Variants in VPS37A observed in about 807,000 individuals in gnomAD.
The protein encoded by VPS37A is VPS37A subunit of ESCRT-I.
In VPS37A, 30 loss-of-function variants were observed where a neutral mutation model predicts 49.8. The observed-to-expected ratio is 0.60, with a 90% CI of 0.45 to 0.82. The LOEUF is 0.82. VPS37A is among the 40% of genes least tolerant of loss of function. The pLI is 0.00. For missense variants in VPS37A, 593 were observed against 464.4 expected (o/e 1.28, Z -2.55); for synonymous variants, 195 against 160.6 (o/e 1.21, Z -1.62).
At chr8:17,315,733 T>C in the VPS37A span, among the ~76,000 whole-genome samples, 10 of 151,548 alleles carry the variant, frequency 6.6e-5, no homozygotes, top group African/African-American at 2.4e-4. Context: ...GAAAAAAGGC[T>C]GGGCACAGTG....
intron 4 of VPS37A, among the ~76,000 whole-genome samples, chr8:17,270,825 T>C (rs1161626705): frequency 6.6e-6 from 1 of 152,200 alleles, no homozygotes; most frequent in African/African-American, 2.4e-5. Flanking sequence ...CATCATATTG[T>C]AGAATCAGGC....
At position 17,258,855 on chromosome 8, in the gene VPS37A, G is replaced by A. The variant is rs147514722; in HGVS notation, c.126-7052G>A. Among the ~76,000 whole-genome samples, 15 of 151,964 alleles carry A rather than the reference G, an allele frequency of 9.9e-5. No individual in the cohort carries two copies. The East Asian group carries it at 1.9e-3, about 20-fold the overall frequency. Reference sequence around the variant, plus strand: ...TAATCTTAGTAGGTTGTATATGTCCGGCAATTTGTTCCTTTCTTTTAGGCT... The same window carrying A: ...TAATCTTAGTAGGTTGTATATGTCCAGCAATTTGTTCCTTTCTTTTAGGCT... On this transcript the variant is annotated intron_variant, in intron 1 of 11. Coordinates refer to ENST00000324849, the MANE Select transcript of VPS37A (RefSeq NM_152415.3).
At chr8:17,283,261 T>G (rs1403946775) in intron 9 of VPS37A, among the ~76,000 whole-genome samples, 3 of 152,062 alleles carry the variant, frequency 2.0e-5, no homozygotes, top group East Asian at 1.9e-4. Context: ...GCTCAAGCGA[T>G]CCTCCCAATT....
At chr8:17,266,801 C>T (rs565810413) in intron 2 of VPS37A, among the ~76,000 whole-genome samples, 42 of 152,210 alleles carry the variant, frequency 2.8e-4, no homozygotes, top group African/African-American at 9.4e-4. Flanking sequence ...TGAGACGGAG[C>T]CTCCCTCTGT....
In VPS37A at chr8:17,271,339, C is replaced by G. The variant is rs987512552; in HGVS notation, c.416+2383C>G. On this transcript the variant is annotated intron_variant, in intron 4 of 11. Transcript: ENST00000324849. The stretch of plus-strand genomic sequence containing the variant: ...GCTTATGATTGGCTGGGCGCGGTGG[C>G]TCACGCCTGTAATCCCAGCACTTTG... Among the ~76,000 whole-genome samples, 5 of 152,142 alleles carry G rather than the reference C, an allele frequency of 3.3e-5. No individual in the cohort carries two copies. In the South Asian group the frequency reaches 8.3e-4, roughly 25 times the overall value.
chr8:17,255,020 G>A, intron 1 of VPS37A, among the ~76,000 whole-genome samples: 1 of 151,586 alleles, frequency 6.6e-6, no homozygotes, highest in East Asian at 1.9e-4. Flanking sequence ...GATCTTTTTA[G>A]TAACTTGAGT....
At chr8:17,329,408 C>G in the VPS37A span, among the ~76,000 whole-genome samples, 1 of 152,206 alleles carries the variant, frequency 6.6e-6, no homozygotes, top group African/African-American at 2.4e-5. Flanking sequence ...ACCATGTTCC[C>G]TTATGAAACA....
chr8:17,286,668 C>G (rs1299253480), intron 11 of VPS37A: 1 of 411,512 alleles, frequency 2.4e-6, no homozygotes, highest in East Asian at 4.2e-5. Context: ...ACATTAGCTG[C>G]TAATGTAGAA....
chr8:17,317,601 G>A, the VPS37A span, among the ~76,000 whole-genome samples: 4 of 152,126 alleles, frequency 2.6e-5, no homozygotes, highest in African/African-American at 7.2e-5. Context: ...CTTCTCTTGT[G>A]GAAGTGTGGA....
chr8:17,331,053 C>A, the VPS37A span: 1 of 1,403,134 alleles, frequency 7.1e-7, no homozygotes, highest in Admixed American at 2.3e-5. Flanking sequence ...ATTATCACAC[C>A]TATGTAAAAA....
intron 4 of VPS37A, among the ~76,000 whole-genome samples, chr8:17,273,457 C>A (rs888572794): frequency 6.6e-6 from 1 of 152,190 alleles, no homozygotes; most frequent in Non-Finnish European, 1.5e-5. Context: ...AGCTCGGCCT[C>A]CCGGGTTCAT....
At chr8:17,316,921 C>T in the VPS37A span, among the ~76,000 whole-genome samples, 1 of 152,116 alleles carries the variant, frequency 6.6e-6, no homozygotes, top group Non-Finnish European at 1.5e-5. Context: ...ACTCTACTGC[C>T]AAATTGCTCT....
At chr8:17,300,327 TTAA>T, downstream of VPS37A, 2 of 1,257,976 alleles carry the variant, frequency 1.6e-6, no homozygotes, top group South Asian at 3.1e-5. Flanking sequence ...GGGTATAATG[TTAA>T]GAACATGTGA....
At chr8:17,304,298 T>TA, downstream of VPS37A, 2 of 1,495,130 alleles carry the variant, frequency 1.3e-6, no homozygotes, top group Non-Finnish European at 1.8e-6. Context: ...ATCAGTGTCA[T>TA]ACACTTTGAC....
chr8:17,315,944 T>C, the VPS37A span, among the ~76,000 whole-genome samples: 6 of 152,188 alleles, frequency 3.9e-5, no homozygotes, highest in African/African-American at 1.2e-4. Flanking sequence ...ACCCAGGAGT[T>C]TGAGGCTGCA....
chr8:17,326,581 TA>T, the VPS37A span: 1 of 152,210 alleles, frequency 6.6e-6, no homozygotes, highest in African/African-American at 2.4e-5. Flanking sequence ...AGGATGTTTT[TA>T]AAAGACAATT....
intron 1 of VPS37A, among the ~76,000 whole-genome samples, chr8:17,262,606 TGTTGAAAA>T (rs1813060728): frequency 6.6e-6 from 1 of 152,018 alleles, no homozygotes; most frequent in South Asian, 2.1e-4. Flanking sequence ...TGTGTATTTA[TGTTGAAAA>T]TAGTACCACT....
chr8:17,288,314 T>C (rs1298040450), intron 11 of VPS37A, among the ~76,000 whole-genome samples: 1 of 152,222 alleles, frequency 6.6e-6, no homozygotes, highest in African/African-American at 2.4e-5. Context: ...GATGGTTTGC[T>C]GCACCCATCA....
downstream of VPS37A, among the ~76,000 whole-genome samples, chr8:17,305,279 T>G (rs1817377602): frequency 6.6e-6 from 1 of 152,240 alleles, no homozygotes; most frequent in East Asian, 1.9e-4. Flanking sequence ...TAAATCACTT[T>G]GTTGTAAGTT....
Sources: allele counts gnomAD v4.1 joint callset (sites outside exome capture counted in the v4.1 genomes callset), GRCh38; gene constraint gnomAD v4.1.1; transcripts MANE v1.5; gene names NCBI Gene and HGNC (gene_info 2026-07-23, HGNC 2026-07-21).